ZSCAN25: variants seen among roughly 807,000 people sequenced by gnomAD.
The protein encoded by ZSCAN25 is zinc finger and SCAN domain-containing protein 25.
ZSCAN25 carries 27 observed loss-of-function variants against 38.7 expected under a neutral mutation model. The observed-to-expected ratio is 0.70, with a 90% CI of 0.51 to 0.96. The LOEUF is 0.96. Ranked by LOEUF, ZSCAN25 falls within the 40% of genes least tolerant of loss-of-function variation. ZSCAN25 has a pLI of 0.00. For synonymous variants in ZSCAN25, 273 were observed against 277.7 expected (o/e 0.98, Z 0.17); for missense variants, 637 against 705.9 (o/e 0.90, Z 1.11).
chr7:99,728,856 C>G, the ZSCAN25 span, among the ~76,000 whole-genome samples: 1 of 152,178 alleles, frequency 6.6e-6, no homozygotes, highest in South Asian at 2.1e-4. Flanking sequence ...AATGACTTTT[C>G]TGCTAGCATT....
the ZSCAN25 span, among the ~76,000 whole-genome samples, chr7:99,669,947 C>T: frequency 6.6e-6 from 1 of 152,058 alleles, no homozygotes; most frequent in East Asian, 1.9e-4. Context: ...AGTATTATTG[C>T]ATAATACATC....
the ZSCAN25 span, chr7:99,717,033 TG>T: frequency 1.2e-6 from 1 of 802,604 alleles, no homozygotes. Context: ...TGCCCCATCT[TG>T]GGAGACCCAT....
chr7:99,626,474 G>T (rs1212721558), intron 7 of ZSCAN25, among the ~76,000 whole-genome samples: 1 of 152,168 alleles, frequency 6.6e-6, no homozygotes, highest in Non-Finnish European at 1.5e-5. Flanking sequence ...CAGGAACCAG[G>T]CCAGTGGTCA....
At chr7:99,645,725 T>A in the ZSCAN25 span, among the ~76,000 whole-genome samples, 4 of 152,144 alleles carry the variant, frequency 2.6e-5, no homozygotes, top group Non-Finnish European at 5.9e-5. Flanking sequence ...GCTTTTTTTT[T>A]ATATGATTGT....
chr7:99,635,573 C>T (rs1225407207), downstream of ZSCAN25, among the ~76,000 whole-genome samples: 1 of 151,998 alleles, frequency 6.6e-6, no homozygotes, highest in East Asian at 1.9e-4. Flanking sequence ...TATTTCCTTC[C>T]CCCTCCCCCA....
At chr7:99,710,749 T>C in the ZSCAN25 span, 13 of 1,613,878 alleles carry the variant, frequency 8.1e-6, no homozygotes, top group South Asian at 1.4e-4. Flanking sequence ...GGTAAAACTG[T>C]ATCAATTTCC....
the ZSCAN25 span, chr7:99,720,526 T>C: frequency 1.7e-6 from 2 of 1,142,986 alleles, no homozygotes. Context: ...AGATGTACAA[T>C]ACACAGTAAT....
the ZSCAN25 span, among the ~76,000 whole-genome samples, chr7:99,681,558 C>G: frequency 6.6e-6 from 1 of 152,170 alleles, no homozygotes; most frequent in African/African-American, 2.4e-5. Context: ...CTCTAATGAC[C>G]AGTGATGTTG....
At chr7:99,714,750 C>T in the ZSCAN25 span, 1 of 1,582,186 alleles carries the variant, frequency 6.3e-7, no homozygotes, top group East Asian at 2.3e-5. Context: ...TGGAGCAATT[C>T]TAATTTTCTC....
chr7:99,685,317 T>G, the ZSCAN25 span: 2 of 1,535,144 alleles, frequency 1.3e-6, no homozygotes, highest in Non-Finnish European at 1.8e-6. Flanking sequence ...ACAAAAAATG[T>G]ATTGCTGACT....
downstream of ZSCAN25, among the ~76,000 whole-genome samples, chr7:99,633,413 T>C (rs576186406): frequency 3.3e-5 from 5 of 152,334 alleles, no homozygotes; most frequent in African/African-American, 1.2e-4. Context: ...CTTCATTAAC[T>C]TAGGTTACCC....
the ZSCAN25 span, among the ~76,000 whole-genome samples, chr7:99,689,109 T>C: frequency 6.6e-6 from 1 of 151,986 alleles, no homozygotes. Flanking sequence ...TTAAAAGAAC[T>C]AGAAAAGCAA....
At chr7:99,730,854 G>T in the ZSCAN25 span, 1 of 593,946 alleles carries the variant, frequency 1.7e-6, no homozygotes, top group Non-Finnish European at 2.9e-6. Context: ...CATTTGGGCT[G>T]TCCAACTGAG....
the ZSCAN25 span, among the ~76,000 whole-genome samples, chr7:99,730,379 C>T: frequency 1.3e-5 from 2 of 152,160 alleles, no homozygotes; most frequent in Non-Finnish European, 2.9e-5. Flanking sequence ...TACATCCACT[C>T]CCTGCTCAGA....
chr7:99,659,960 A>T, the ZSCAN25 span: 4 of 153,458 alleles, frequency 2.6e-5, no homozygotes, highest in African/African-American at 9.7e-5. Flanking sequence ...CTGATTTTCC[A>T]GGTGCTGTCC....
the ZSCAN25 span, among the ~76,000 whole-genome samples, chr7:99,698,016 C>T: frequency 6.6e-6 from 1 of 152,218 alleles, no homozygotes; most frequent in African/African-American, 2.4e-5. Flanking sequence ...TCTAGACTCA[C>T]ATGGTTCCAT....
chr7:99,657,716 C>G, the ZSCAN25 span, among the ~76,000 whole-genome samples: 18 of 152,176 alleles, frequency 1.2e-4, no homozygotes, highest in Non-Finnish European at 2.5e-4. Flanking sequence ...GTGTGGGAGT[C>G]TAACTCTCTT....
chr7:99,718,057 T>A, the ZSCAN25 span, among the ~76,000 whole-genome samples: 1 of 151,354 alleles, frequency 6.6e-6, no homozygotes, highest in African/African-American at 2.4e-5. Context: ...GTGGTAGATT[T>A]AAAAAAATAT....
At chr7:99,678,851 G>A in the ZSCAN25 span, among the ~76,000 whole-genome samples, 1 of 152,180 alleles carries the variant, frequency 6.6e-6, no homozygotes, top group African/African-American at 2.4e-5. Context: ...TCAAATTGAG[G>A]TAGAAGTTAA....
Sources: allele counts gnomAD v4.1 joint callset (sites outside exome capture counted in the v4.1 genomes callset), GRCh38; gene constraint gnomAD v4.1.1; transcripts MANE v1.5; gene names NCBI Gene and HGNC (gene_info 2026-07-23, HGNC 2026-07-21).